Variants in PDE11A observed in about 807,000 individuals in gnomAD.
The protein encoded by PDE11A is phosphodiesterase 11A, also known as dual 3',5'-cyclic-AMP and -GMP phosphodiesterase 11A.
PDE11A carries 100 observed loss-of-function variants against 100.5 expected under a neutral mutation model. The ratio of observed to expected loss-of-function variants is 1.00; its 90% CI spans 0.85 to 1.18. The LOEUF (loss-of-function observed/expected upper bound fraction) is 1.18, where lower values mean the gene tolerates loss of function less well. Ranked by LOEUF, PDE11A falls within the 50% of genes most tolerant of loss-of-function variation. The probability of loss-of-function intolerance (pLI) is 0.00; values close to 1 mark genes in which losing one functional copy is unlikely to be tolerated. For synonymous variants in PDE11A, 381 were observed against 420.8 expected (o/e 0.91, Z 1.16); for missense variants, 1,141 against 1,152.6 (o/e 0.99, Z 0.15).
At chr2:177,985,232 T>C (rs1433973490) in intron 2 of PDE11A, among the ~76,000 whole-genome samples, 1 of 152,230 alleles carries the variant, frequency 6.6e-6, no homozygotes, top group African/African-American at 2.4e-5. Context: ...TGCTTTTTTT[T>C]CTTCAACAAC....
intron 2 of PDE11A, among the ~76,000 whole-genome samples, chr2:178,085,781 A>G (rs1272562357): frequency 6.6e-6 from 1 of 152,188 alleles, no homozygotes; most frequent in Non-Finnish European, 1.5e-5. Flanking sequence ...GATGAAATTA[A>G]AAATAGTCTT....
At chr2:177,989,621 C>A (rs1331038769) in intron 2 of PDE11A, among the ~76,000 whole-genome samples, 4 of 152,118 alleles carry the variant, frequency 2.6e-5, no homozygotes, top group African/African-American at 9.7e-5. Context: ...GAGAGAATAG[C>A]TTTTCTGGTT....
chr2:177,782,632 A>T (rs1291382084), intron 9 of PDE11A, among the ~76,000 whole-genome samples: 6 of 152,196 alleles, frequency 3.9e-5, no homozygotes, highest in Non-Finnish European at 1.5e-5. Context: ...TTATATAATC[A>T]TCACACTAAA....
At position 177,711,817 on chromosome 2, in the gene PDE11A, A is replaced by T; in HGVS notation, c.2105T>A (p.Leu702Gln). 6.2e-7 allele frequency: 1 copy of T among 1,612,242 alleles called. No individual in the cohort carries two copies. Residue 702 changes from leucine to glutamine, a missense_variant, in exon 13 of 20, where the codon CTG becomes CAG. By Grantham distance (113) the Leu-to-Gln change is moderately radical (BLOSUM62 -2). Coordinates refer to ENST00000286063, the MANE Select transcript of PDE11A (RefSeq NM_016953.4). ...VEILAVIVGC[L>Q]CHDLDHRGTN... ...TCCCCTGTGGTCGAGGTCATGACAC[A>T]GGCATCCCACAATCACCGCTAAAAT... is the stretch of plus-strand genomic sequence containing the variant.
chr2:177,883,705 C>T lies in PDE11A; in HGVS notation c.1303-7782G>A, dbSNP rs142154825. 9.3e-4 allele frequency among the ~76,000 whole-genome samples: 142 copies of T among 152,182 alleles called. 1 individual carries two copies. Among genetic ancestry groups the T allele is most frequent in the African/African-American group, 3.2e-3 (133 of 41,516 alleles). ...AACTGAACATAATTCAATAAAGGGGCAAGCTATAGAAGTGTGGGTAGGGTG... is the reference window on the plus strand; with the variant it reads ...AACTGAACATAATTCAATAAAGGGGTAAGCTATAGAAGTGTGGGTAGGGTG... On this transcript the variant is annotated intron_variant, in intron 4 of 19. Coordinates refer to ENST00000286063, the MANE Select transcript of PDE11A (RefSeq NM_016953.4).
chr2:178,058,715 C>A (rs1197438366), intron 1 of PDE11A, among the ~76,000 whole-genome samples: 1 of 152,094 alleles, frequency 6.6e-6, no homozygotes, highest in African/African-American at 2.4e-5. Flanking sequence ...ACAGGGAGTG[C>A]TACAAAGCCA....
At chr2:177,922,448 T>TA (rs1299263029) in intron 2 of PDE11A, among the ~76,000 whole-genome samples, 3 of 151,600 alleles carry the variant, frequency 2.0e-5, no homozygotes, top group South Asian at 2.1e-4. Flanking sequence ...ATAATAAAAT[T>TA]AAAAAAAGAA....
At chr2:177,784,672 C>G (rs1400216512) in intron 9 of PDE11A, among the ~76,000 whole-genome samples, 1 of 152,162 alleles carries the variant, frequency 6.6e-6, no homozygotes, top group African/African-American at 2.4e-5. Context: ...TTATTGCTGG[C>G]TCTTGAATTC....
intron 2 of PDE11A, among the ~76,000 whole-genome samples, chr2:178,007,406 C>T (rs1021205781): frequency 6.6e-6 from 1 of 152,110 alleles, no homozygotes; most frequent in Non-Finnish European, 1.5e-5. Context: ...TGTTTTTGAA[C>T]CACTCAGTCA....
intron 2 of PDE11A, among the ~76,000 whole-genome samples, chr2:177,957,419 A>C (rs1315889218): frequency 6.6e-6 from 1 of 152,208 alleles, no homozygotes; most frequent in Admixed American, 6.5e-5. Flanking sequence ...AAAAACAACA[A>C]CACAAAACAA....
chr2:177,688,092 G>A (rs761888786), intron 15 of PDE11A: 1 of 152,154 alleles, frequency 6.6e-6, no homozygotes. Context: ...ATAAACCTTT[G>A]GGCCAGATAG....
intron 15 of PDE11A, among the ~76,000 whole-genome samples, chr2:177,693,979 T>C (rs1454093946): frequency 6.6e-6 from 1 of 152,234 alleles, no homozygotes. Context: ...GCTAAAAATA[T>C]GGCAATATTT....
At chr2:177,998,022 A>G in intron 2 of PDE11A, 2 of 1,251,868 alleles carry the variant, frequency 1.6e-6, no homozygotes, top group East Asian at 4.6e-5. Flanking sequence ...GGACAGTTTT[A>G]GAGAAGAAGG....
At chr2:177,931,754 A>G (rs1423519829) in intron 2 of PDE11A, among the ~76,000 whole-genome samples, 1 of 152,028 alleles carries the variant, frequency 6.6e-6, no homozygotes, top group Non-Finnish European at 1.5e-5. Context: ...AAAAACAGGA[A>G]CAAACTAACC....
intron 1 of PDE11A, among the ~76,000 whole-genome samples, chr2:178,107,815 G>A (rs1330256032): frequency 2.0e-5 from 3 of 147,130 alleles, no homozygotes; most frequent in Admixed American, 7.0e-5. Flanking sequence ...TCCGCTTCCC[G>A]GGTTCAAGTG....
chr2:177,647,572 C>T (rs985477960), intron 19 of PDE11A, among the ~76,000 whole-genome samples: 1 of 152,156 alleles, frequency 6.6e-6, no homozygotes, highest in African/African-American at 2.4e-5. Context: ...AATATGATGA[C>T]TACTGAGCAT....
intron 2 of PDE11A, among the ~76,000 whole-genome samples, chr2:177,981,065 T>C (rs2085875253): frequency 6.7e-6 from 1 of 149,428 alleles, no homozygotes; most frequent in Non-Finnish European, 1.5e-5. Context: ...TCCCAGCTCC[T>C]TCACTTAATA....
At chr2:177,877,564 C>T (rs1401748653) in intron 4 of PDE11A, among the ~76,000 whole-genome samples, 2 of 152,154 alleles carry the variant, frequency 1.3e-5, no homozygotes, top group Non-Finnish European at 2.9e-5. Context: ...GGACATTCCT[C>T]AGTCTTCCTT....
At chr2:178,000,333 G>A (rs1006966960) in intron 2 of PDE11A, among the ~76,000 whole-genome samples, 4 of 152,152 alleles carry the variant, frequency 2.6e-5, no homozygotes, top group African/African-American at 9.7e-5. Context: ...TCTCCAACAG[G>A]AAATATGATG....
Sources: allele counts gnomAD v4.1 joint callset (sites outside exome capture counted in the v4.1 genomes callset), GRCh38; gene constraint gnomAD v4.1.1; transcripts MANE v1.5; gene names NCBI Gene and HGNC (gene_info 2026-07-23, HGNC 2026-07-21).